The following CACNA1I variants were observed in gnomAD, a reference collection of about 807,000 sequenced individuals.
CACNA1I encodes voltage-dependent T-type calcium channel subunit alpha-1I.
A neutral mutation model predicts 201.6 loss-of-function variants in CACNA1I; 74 were observed. That is an observed-to-expected ratio of 0.37 (90% confidence interval 0.30 to 0.45). The LOEUF is 0.45. CACNA1I is among the 20% of genes least tolerant of loss of function. The pLI, the probability that CACNA1I is intolerant of heterozygous loss-of-function variation, is 1.00. For missense variants in CACNA1I, 2,346 were observed against 3,138.1 expected, an observed-to-expected ratio of 0.75 and a Z score of 6.03; for synonymous variants, 1,431 against 1,345.2, an observed-to-expected ratio of 1.06 and a Z score of -1.40.
chr22:39,637,767 T>C (rs1934256761), intron 5 of CACNA1I, among the ~76,000 whole-genome samples: 1 of 152,242 alleles, frequency 6.6e-6, no homozygotes, highest in South Asian at 2.1e-4. Flanking sequence ...AGTTTATCAA[T>C]CATTTTTTTA....
intron 1 of CACNA1I, among the ~76,000 whole-genome samples, chr22:39,580,410 G>A (rs1224801865): frequency 7.9e-5 from 12 of 152,232 alleles, no homozygotes; most frequent in African/African-American, 2.7e-4. Context: ...CATTGGAGGA[G>A]CCTGACCCCC....
intron 18 of CACNA1I, 91 bp downstream of exon 18, chr22:39,662,967 G>A (rs944069442): frequency 7.7e-6 from 7 of 904,572 alleles, no homozygotes; most frequent in African/African-American, 3.3e-5. Context: ...CATTGGTGGC[G>A]CTCTCCCAGA....
chr22:39,607,981 G>A (rs976655637), intron 3 of CACNA1I, among the ~76,000 whole-genome samples: 2 of 152,100 alleles, frequency 1.3e-5, no homozygotes, highest in South Asian at 4.2e-4. Context: ...TTAGCTGGGC[G>A]TGGTGGCAGA....
At chr22:39,639,579 A>G (rs1165111889) in intron 5 of CACNA1I, among the ~76,000 whole-genome samples, 1 of 152,198 alleles carries the variant, frequency 6.6e-6, no homozygotes, top group African/African-American at 2.4e-5. Flanking sequence ...TGCAATCAAT[A>G]TAACAATTAA....
In CACNA1I at chr22:39,600,673, C is replaced by T; in HGVS notation, c.482+20C>T. On this transcript the variant is annotated intron_variant, in intron 3 of 36. Transcript: ENST00000402142. ...GGCAGGGTAGGTAGCGCCCGCCAGGCAGGTCCTAGCCTCTGGTGCACACCA... is the reference window on the plus strand; with the variant it reads ...GGCAGGGTAGGTAGCGCCCGCCAGGTAGGTCCTAGCCTCTGGTGCACACCA... 1.3e-6 allele frequency: 2 copies of T among 1,589,330 alleles called. No individual in the cohort carries two copies. Among genetic ancestry groups the T allele is most frequent in the Non-Finnish European group, 1.7e-6 (2 of 1,169,810 alleles).
chr22:39,638,218 G>A (rs1277719282), intron 5 of CACNA1I, among the ~76,000 whole-genome samples: 1 of 152,226 alleles, frequency 6.6e-6, no homozygotes, highest in African/African-American at 2.4e-5. Context: ...GGGATTACAG[G>A]CGTGAGCCAC....
At chr22:39,620,275 C>CCATACATA (rs1034116517) in intron 4 of CACNA1I, among the ~76,000 whole-genome samples, 1 of 44,406 alleles carries the variant, frequency 2.3e-5, no homozygotes, top group African/African-American at 6.8e-5. Context: ...ATCCATCCAT[C>CCATACATA]CATACGTACA....
At chr22:39,664,269 C>G in intron 20 of CACNA1I, 110 bp downstream of exon 20, 2 of 914,434 alleles carry the variant, frequency 2.2e-6, no homozygotes, top group African/African-American at 1.6e-5. Flanking sequence ...TCATTTCACT[C>G]GTAGCCCCAT....
At chr22:39,572,095 C>T (rs1254636869) in intron 1 of CACNA1I, among the ~76,000 whole-genome samples, 2 of 152,016 alleles carry the variant, frequency 1.3e-5, no homozygotes, top group Non-Finnish European at 2.9e-5. Context: ...GCAGGTGTGG[C>T]GGGAGCCCTG....
At chr22:39,624,391 A>C (rs556418919) in intron 4 of CACNA1I, among the ~76,000 whole-genome samples, 2 of 152,222 alleles carry the variant, frequency 1.3e-5, no homozygotes, top group South Asian at 4.1e-4. Flanking sequence ...CCTGCGCTCC[A>C]ATTACAGAGG....
At chr22:39,661,754 C>G (rs1397651073) in intron 16 of CACNA1I, among the ~76,000 whole-genome samples, 1 of 152,222 alleles carries the variant, frequency 6.6e-6, no homozygotes, top group Non-Finnish European at 1.5e-5. Flanking sequence ...GGGATGTAAC[C>G]TCCGGGTGGA....
rs1043259451 is a variant in CACNA1I, at chr22:39,666,499, G to A, written c.4104+493G>A. On this transcript the variant is annotated intron_variant, in intron 23 of 36. Coordinates refer to ENST00000402142, the MANE Select transcript of CACNA1I (RefSeq NM_021096.4). This position sits in a 1 kb window ranked among gnomAD's most constrained non-coding sequence, Gnocchi z 4.1. ...ACCCACCGCTGCTCTCTGCTCTGTC[G>A]GCAGGCAGACCCCTGCCTGGTGTCT... Among the ~76,000 whole-genome samples the A allele has an allele frequency of 6.6e-6, 1 of 152,134 alleles. No homozygotes were observed. Among genetic ancestry groups the A allele is most frequent in the Non-Finnish European group, 1.5e-5 (1 of 68,008 alleles).
At position 39,629,924 on chromosome 22, in the gene CACNA1I, A is replaced by C. The variant is rs1934009869; in HGVS notation, c.581-4641A>C. On this transcript the variant is annotated intron_variant, in intron 4 of 36. Coordinates refer to ENST00000402142, the MANE Select transcript of CACNA1I (RefSeq NM_021096.4). This position sits in a 1 kb window ranked among gnomAD's most constrained non-coding sequence, Gnocchi z 4.8. ...AGCAATCCTCTCACCCCTTCCCCAG[A>C]TCACGTCTCCCTTCTGCTCCATGAC... Among the ~76,000 whole-genome samples, 1 of 151,874 alleles carries C rather than the reference A, an allele frequency of 6.6e-6. No individual in the cohort carries two copies. The highest frequency in any genetic ancestry group is 2.4e-5 in the African/African-American group (1 of 41,306).
At chr22:39,619,196 T>C in intron 3 of CACNA1I, 114 bp from the exon 4 acceptor site, 1 of 790,122 alleles carries the variant, frequency 1.3e-6, no homozygotes, top group Non-Finnish European at 2.2e-6. Flanking sequence ...GACTGCTGTC[T>C]TTACTTGCCC....
At chr22:39,673,149 G>GTGTGTTCTCATCAGGC in intron 28 of CACNA1I, 67 bp downstream of exon 28, 1 of 561,020 alleles carries the variant, frequency 1.8e-6, no homozygotes, top group African/African-American at 2.0e-5. Context: ...CTCATTGCCT[G>GTGTGTTCTCATCAGGC]ATGAGAACAC....
intron 1 of CACNA1I, among the ~76,000 whole-genome samples, chr22:39,591,829 G>A (rs1932826057): frequency 6.6e-6 from 1 of 152,248 alleles, no homozygotes; most frequent in Admixed American, 6.5e-5. Context: ...CAAAGTGCTG[G>A]GATCACAGGC....
At chr22:39,580,122 A>G (rs986560665) in intron 1 of CACNA1I, among the ~76,000 whole-genome samples, 4 of 152,122 alleles carry the variant, frequency 2.6e-5, no homozygotes, top group Admixed American at 2.6e-4. Flanking sequence ...TTTGGAGGAG[A>G]CACACATCAA....
In CACNA1I at chr22:39,640,960, G is replaced by T; in HGVS notation, c.834G>T (p.Met278Ile). 1 of 1,613,994 alleles carries T rather than the reference G, an allele frequency of 6.2e-7. No individual in the cohort carries two copies. Among genetic ancestry groups the T allele is most frequent in the Non-Finnish European group, 8.5e-7 (1 of 1,179,898 alleles). ...ICSLSGDNGIMGCHEIPPLKE... is the reference protein window; with the variant it reads ...ICSLSGDNGIIGCHEIPPLKE... ...CCCTGTCGGGCGACAATGGGATAAT[G>T]GGCTGCCATGAGATCCCCCCGCTCA... Residue 278 changes from methionine to isoleucine, a missense_variant, in exon 6 of 37, where the codon ATG becomes ATT. Met to Ile is a conservative substitution (Grantham distance 10). Coordinates refer to ENST00000402142, the MANE Select transcript of CACNA1I (RefSeq NM_021096.4).
chr22:39,674,147 T>C, intron 29 of CACNA1I, 114 bp downstream of exon 29: 3 of 978,812 alleles, frequency 3.1e-6, no homozygotes, highest in Admixed American at 4.0e-5. Context: ...CCAGGGCAGA[T>C]GCTGTCTCTG....
Sources: allele counts gnomAD v4.1 joint callset (sites outside exome capture counted in the v4.1 genomes callset), GRCh38; gene constraint gnomAD v4.1.1; non-coding constraint Gnocchi (gnomAD v3.1); transcripts MANE v1.5; gene names NCBI Gene and HGNC (gene_info 2026-07-23, HGNC 2026-07-21).